The following MSI2 variants were observed in gnomAD, a reference collection of about 807,000 sequenced individuals.
MSI2 encodes musashi RNA binding protein 2.
MSI2 carries 17 observed loss-of-function variants against 45.6 expected under a neutral mutation model. That is an observed-to-expected ratio of 0.37 (90% CI 0.26 to 0.56). MSI2 has a LOEUF of 0.56. MSI2 is among the 20% of genes least tolerant of loss of function. The pLI is 0.77. For synonymous variants in MSI2, 156 were observed against 158.2 expected (o/e 0.99, Z 0.11); for missense variants, 293 against 444.2 (o/e 0.66, Z 3.06).
chr17:57,360,190 A>T (rs1233895651), intron 5 of MSI2, among the ~76,000 whole-genome samples: 3 of 152,174 alleles, frequency 2.0e-5, no homozygotes, highest in African/African-American at 7.2e-5. Context: ...TCTTCCTTAG[A>T]CTGCAGTTTT....
intron 7 of MSI2, among the ~76,000 whole-genome samples, chr17:57,573,453 G>A (rs2087931905): frequency 6.6e-6 from 1 of 152,066 alleles, no homozygotes; most frequent in Admixed American, 6.5e-5. Flanking sequence ...ATAAGTTCTA[G>A]GCACAGGGAA....
rs1348917272 is a variant in MSI2, at chr17:57,405,534, C to T, written c.405+4063C>T. Among the ~76,000 whole-genome samples the T allele has an allele frequency of 3.3e-5, 5 of 152,096 alleles. No individual in the cohort carries two copies. In the South Asian group the frequency reaches 6.2e-4, roughly 19 times the overall value. On this transcript the variant is annotated intron_variant, in intron 6 of 13. Coordinates refer to ENST00000284073, the MANE Select transcript of MSI2 (RefSeq NM_138962.4). ...TCTATAGGCTATAACCAAAATAATA[C>T]GTTGTCAGTAGTAATAAGCATGGTA...
In MSI2 at chr17:57,652,906, C is replaced by T. The variant is rs1036565500; in HGVS notation, c.790+745C>T. 1.3e-5 allele frequency among the ~76,000 whole-genome samples: 2 copies of T among 152,176 alleles called. No homozygotes were observed. The highest frequency in any genetic ancestry group is 3.9e-4 in the East Asian group (2 of 5,188). On this transcript the variant is annotated intron_variant, in intron 11 of 13. Coordinates refer to ENST00000284073, the MANE Select transcript of MSI2 (RefSeq NM_138962.4). The surrounding 1 kb of genome is among the most constrained non-coding windows in gnomAD (Gnocchi z 4.1). ...CCAGGGTGCCCGGGGTCCCTTTTGT[C>T]CCTCTCCCCAGAATGCTTTCTGCCT...
intron 6 of MSI2, among the ~76,000 whole-genome samples, chr17:57,502,636 T>TATATCATAG: frequency 2.1e-5 from 2 of 96,902 alleles, no homozygotes; most frequent in African/African-American, 3.5e-5. Flanking sequence ...TATATATATA[T>TATATCATAG]AGTCATCATT....
intron 6 of MSI2, among the ~76,000 whole-genome samples, chr17:57,489,502 A>C (rs528618200): frequency 2.0e-5 from 3 of 152,328 alleles, no homozygotes; most frequent in African/African-American, 7.2e-5. Flanking sequence ...TTGGAATTCC[A>C]GAGTGGCCAG....
At chr17:57,571,362 G>A (rs997523052) in intron 7 of MSI2, among the ~76,000 whole-genome samples, 1 of 152,140 alleles carries the variant, frequency 6.6e-6, no homozygotes, top group African/African-American at 2.4e-5. Flanking sequence ...GCCTGACCTT[G>A]CCACCTCAGA....
intron 6 of MSI2, among the ~76,000 whole-genome samples, chr17:57,482,431 T>C (rs2085665416): frequency 6.6e-6 from 1 of 152,254 alleles, no homozygotes; most frequent in Non-Finnish European, 1.5e-5. Context: ...AGTCCTTCTC[T>C]ACCCGTGTAC....
At chr17:57,583,949 T>C (rs1364592211) in intron 7 of MSI2, among the ~76,000 whole-genome samples, 1 of 152,252 alleles carries the variant, frequency 6.6e-6, no homozygotes, top group Non-Finnish European at 1.5e-5. Context: ...TCTAGACTGA[T>C]GCATCTTACA....
chr17:57,393,897 G>A (rs1375960719), intron 5 of MSI2, among the ~76,000 whole-genome samples: 1 of 152,122 alleles, frequency 6.6e-6, no homozygotes, highest in Non-Finnish European at 1.5e-5. Context: ...GGCCAGGCTA[G>A]TCTCAAACTA....
At chr17:57,450,530 C>T (rs904317955) in intron 6 of MSI2, among the ~76,000 whole-genome samples, 4 of 151,632 alleles carry the variant, frequency 2.6e-5, no homozygotes, top group African/African-American at 9.7e-5. Flanking sequence ...ATTATCCAGG[C>T]GTGGTGGTGC....
intron 6 of MSI2, among the ~76,000 whole-genome samples, chr17:57,494,170 T>TA (rs2085930594): frequency 6.6e-6 from 1 of 152,260 alleles, no homozygotes; most frequent in Admixed American, 6.5e-5. Flanking sequence ...AACAGAGTCA[T>TA]AATTCTTCTT....
Position 57,321,964 on chromosome 17 carries a change from T to G in MSI2, c.312+59772T>G, listed in dbSNP as rs143302697. On this transcript the variant is annotated intron_variant, in intron 5 of 13. Coordinates refer to ENST00000284073, the MANE Select transcript of MSI2 (RefSeq NM_138962.4). ...GGCTCCCACCACCATGCCCGGCTAGTTTTTGTATTTTCAATAGTGACGAGG... is the reference window on the plus strand; with the variant it reads ...GGCTCCCACCACCATGCCCGGCTAGGTTTTGTATTTTCAATAGTGACGAGG... Among the ~76,000 whole-genome samples the G allele has an allele frequency of 5.3e-5, 8 of 152,024 alleles. 1 individual carries two copies. In the East Asian group the frequency reaches 1.5e-3, roughly 29 times the overall value.
chr17:57,681,722 T>G lies in MSI2; in HGVS notation c.*2205T>G, dbSNP rs1295072579. The G allele has an allele frequency of 5.2e-6, 1 of 193,084 alleles. No individual in the cohort carries two copies. The highest frequency in any genetic ancestry group is 2.3e-5 in the African/African-American group (1 of 43,050). 12.0% of individuals were successfully genotyped at this position (193,084 alleles called of 1,614,324 possible). A position where few individuals can be genotyped will look rare whatever the true frequency, so the allele number is the denominator to read the frequency against. ...TTGTTGTTTTTTTCCTTTCTTTGTT[T>G]CTTTTCTTTTCCCCCAAACAACCAG... is the stretch of plus-strand genomic sequence containing the variant. On this transcript the variant is annotated 3_prime_UTR_variant, in exon 14 of 14. Transcript: ENST00000284073.
intron 5 of MSI2, chr17:57,265,355 CT>C (rs1301629602): frequency 1.3e-5 from 2 of 152,202 alleles, no homozygotes; most frequent in African/African-American, 4.8e-5. Context: ...AGTTTCTCTG[CT>C]TTCTGGCTGT....
intron 6 of MSI2, among the ~76,000 whole-genome samples, chr17:57,475,785 G>A (rs926855364): frequency 6.8e-6 from 1 of 146,024 alleles, no homozygotes; most frequent in East Asian, 2.1e-4. Flanking sequence ...GTGTGTGTAT[G>A]TGTGGATGCA....
intron 8 of MSI2, among the ~76,000 whole-genome samples, chr17:57,605,523 C>T (rs908140856): frequency 2.0e-5 from 3 of 152,166 alleles, no homozygotes; most frequent in Non-Finnish European, 4.4e-5. Context: ...ACTCCACCCC[C>T]AGGGCGCAGG....
intron 6 of MSI2, among the ~76,000 whole-genome samples, chr17:57,424,315 T>C (rs1292033832): frequency 6.6e-6 from 1 of 152,244 alleles, no homozygotes; most frequent in Non-Finnish European, 1.5e-5. Context: ...CATTTGAAGA[T>C]CTTCTACCTA....
At chr17:57,279,042 G>A (rs1199359388) in intron 5 of MSI2, 1 of 152,144 alleles carries the variant, frequency 6.6e-6, no homozygotes, top group African/African-American at 2.4e-5. Flanking sequence ...GGTGTTCTAG[G>A]TGGGAAAAGC....
At chr17:57,575,959 A>AAAAAAAAAG (rs1316277127) in intron 7 of MSI2, among the ~76,000 whole-genome samples, 94 of 151,584 alleles carry the variant, frequency 6.2e-4, no homozygotes, top group Non-Finnish European at 1.2e-3. Flanking sequence ...AAAAAAAAAA[A>AAAAAAAAAG]AAAAAAAAAA....
Sources: allele counts gnomAD v4.1 joint callset (sites outside exome capture counted in the v4.1 genomes callset), GRCh38; gene constraint gnomAD v4.1.1; non-coding constraint Gnocchi (gnomAD v3.1); transcripts MANE v1.5; gene names NCBI Gene and HGNC (gene_info 2026-07-23, HGNC 2026-07-21).